TYSND1: variants seen among roughly 807,000 people sequenced by gnomAD.
TYSND1 encodes the protein trypsin like peroxisomal matrix peptidase 1.
In TYSND1, 30 loss-of-function variants were observed where a neutral mutation model predicts 37.2. That is an observed-to-expected ratio of 0.81 (90% CI 0.60 to 1.09). The LOEUF is 1.09. Ranked by LOEUF, TYSND1 falls within the 50% of genes least tolerant of loss-of-function variation. The pLI is 0.00. For missense variants in TYSND1, 806 were observed against 817.4 expected (o/e 0.99, Z 0.17); for synonymous variants, 364 against 383.8 (o/e 0.95, Z 0.60).
chr10:70,138,111 G>A lies in TYSND1; in HGVS notation c.*1813C>T, dbSNP rs941357153. On this transcript the variant is annotated 3_prime_UTR_variant, in exon 4 of 4. Coordinates refer to ENST00000287078, the MANE Select transcript of TYSND1 (RefSeq NM_173555.4). ...CCTCCCTGGGCACGCCACACTCCAG[G>A]AAGTGCCAGGTGTTCAGCTATCCAG... 1 of 151,994 alleles carries A rather than the reference G, an allele frequency of 6.6e-6. No individual in the cohort carries two copies. The highest frequency in any genetic ancestry group is 6.5e-5 in the Admixed American group (1 of 15,276). 9.4% of individuals were successfully genotyped at this position (151,994 alleles called of 1,614,324 possible).
Position 70,146,602 on chromosome 10 carries a change from C to T in TYSND1, c.-16G>A, listed in dbSNP as rs1839241537. Reference sequence around the variant, plus strand: ...GCCTTCTCATGGCCTCTAGGCCGGACACTCGGGAGCTTCTCCGAGAAACAG... The same window carrying T: ...GCCTTCTCATGGCCTCTAGGCCGGATACTCGGGAGCTTCTCCGAGAAACAG... On this transcript the variant is annotated 5_prime_UTR_variant, in exon 1 of 4. Transcript: ENST00000287078. 2 of 1,492,926 alleles carry T rather than the reference C, an allele frequency of 1.3e-6. No homozygotes were observed. Among genetic ancestry groups the T allele is most frequent in the African/African-American group, 2.9e-5 (2 of 69,308 alleles). The allele number at this position is 1,492,926 out of a possible 1,614,324, so 92.5% of individuals were successfully genotyped here. A position where few individuals can be genotyped will look rare whatever the true frequency, so the allele number is the denominator to read the frequency against.
chr10:70,144,001 T>A, intron 1 of TYSND1, 29 bp from the exon 2 acceptor site: 1 of 1,613,606 alleles, frequency 6.2e-7, no homozygotes, highest in Non-Finnish European at 8.5e-7. Flanking sequence ...AATGACAGGC[T>A]AGCTTTCTGA....
chr10:70,140,524 A>AATGAATGAATGT (rs2072751065), intron 3 of TYSND1, among the ~76,000 whole-genome samples: 1 of 149,148 alleles, frequency 6.7e-6, no homozygotes, highest in Non-Finnish European at 1.5e-5. Context: ...TGAATGAATG[A>AATGAATGAATGT]ATGAATGAAT....
At chr10:70,142,587 G>A in intron 3 of TYSND1, 81 bp downstream of exon 3, 1 of 1,344,582 alleles carries the variant, frequency 7.4e-7, no homozygotes, top group Non-Finnish European at 1.0e-6. Flanking sequence ...AGGGTGCACT[G>A]GGGCTGGCCA....
chr10:70,146,552 G>A lies in TYSND1; in HGVS notation c.35C>T (p.Ala12Val). ...RRQWGSAMRA[A>V]EQAGCMVSAS... The stretch of plus-strand genomic sequence containing the variant: ...GCTCACCATGCAGCCCGCCTGCTCG[G>A]CCGCCCTCATGGCAGACCCCCACTG... The change falls in exon 1 of 4, where the codon GCC (alanine) becomes GTC (valine). Residue 12 changes from alanine (A) to valine (V), a missense_variant. By Grantham distance (64) the Ala-to-Val change is moderately conservative (BLOSUM62 0). Around this residue, in one of 3 missense-constraint regions of TYSND1, gnomAD observed 84 missense variants for 79.0 expected, o/e 1.06. Transcript: ENST00000287078. 1 of 1,578,678 alleles carries A rather than the reference G, an allele frequency of 6.3e-7. No individual in the cohort carries two copies. Among genetic ancestry groups the A allele is most frequent in the South Asian group, 1.1e-5 (1 of 87,864 alleles).
rs1380034905 is a variant in TYSND1 at position 70,146,053 on chromosome 10, T to C, written c.534A>G (p.Gln178=). ...GCGCAAACCAGCCCAGCGCTCTCAG[T>C]TGATCCGCCTCCTCGTCCTCCGACA... The part of the protein sequence containing the change: ...DEVSEDEEAD[Q]LRALGWFALL... Residue 178 remains glutamine (Q), a synonymous_variant, in exon 1 of 4, where the codon CAA becomes CAG. Transcript: ENST00000287078. 4 of 1,595,918 alleles carry C rather than the reference T, an allele frequency of 2.5e-6. No homozygotes were observed. Among genetic ancestry groups the C allele is most frequent in the Non-Finnish European group, 3.4e-6 (4 of 1,169,758 alleles).
At chr10:70,145,045 G>C (rs568856011) in intron 1 of TYSND1, among the ~76,000 whole-genome samples, 1 of 152,320 alleles carries the variant, frequency 6.6e-6, no homozygotes, top group Non-Finnish European at 1.5e-5. Context: ...TTTCAGAGGA[G>C]AAGCAGCAGG....
intron 1 of TYSND1, chr10:70,144,684 G>T (rs1344415994): frequency 1.0e-6 from 1 of 985,820 alleles, no homozygotes; most frequent in Admixed American, 6.1e-5. Context: ...GGGAGTGGAA[G>T]GAATCTGGTG....
chr10:70,144,025 G>C lies in TYSND1; in HGVS notation c.1167-53C>G, dbSNP rs577691318. 1.3e-5 allele frequency: 21 copies of C among 1,609,244 alleles called. No homozygotes were observed. In the African/African-American group the frequency reaches 2.4e-4, roughly 18 times the overall value. Reference sequence around the variant, plus strand: ...CTAGCTTTCTGACTCCTCAGTACTTGGGAGAAATCAAGGAGCTGAGAGTGA... The same window carrying C: ...CTAGCTTTCTGACTCCTCAGTACTTCGGAGAAATCAAGGAGCTGAGAGTGA... On this transcript the variant is annotated intron_variant, in intron 1 of 3. Transcript: ENST00000287078.
At chr10:70,140,245 G>A (rs2072745135) in intron 3 of TYSND1, 104 bp from the exon 4 acceptor site, 1 of 919,014 alleles carries the variant, frequency 1.1e-6, no homozygotes, top group South Asian at 1.7e-5. Context: ...GGCCTGGTAG[G>A]GCTGGATACC....
At chr10:70,143,171 T>C (rs561210728) in intron 2 of TYSND1, among the ~76,000 whole-genome samples, 1 of 152,322 alleles carries the variant, frequency 6.6e-6, no homozygotes, top group South Asian at 2.1e-4. Flanking sequence ...CAATAAATGT[T>C]TGTGGAATTC....
Position 70,139,959 on chromosome 10 carries a change from G to T in TYSND1, c.1666C>A (p.Arg556=), listed in dbSNP as rs748231956. ...CTCCGCGGGGCCTCTGCCAGGGGCC[G>T]CTGCAACCGCCACACCACCCTGACT... ...EPVRVVWRLQ[R]PLAEAPRSKL is the part of the protein sequence containing the mutation. The change falls in exon 4 of 4, where the codon CGG becomes AGG. Residue 556 remains arginine (R), a synonymous_variant. Coordinates refer to ENST00000287078, the MANE Select transcript of TYSND1 (RefSeq NM_173555.4). 1 of 1,613,574 alleles carries T rather than the reference G, an allele frequency of 6.2e-7. No homozygotes were observed.
Position 70,146,456 on chromosome 10 carries a change from C to T in TYSND1, c.131G>A (p.Gly44Asp). The T allele has an allele frequency of 1.2e-6, 2 of 1,603,948 alleles. No individual in the cohort carries two copies. The highest frequency in any genetic ancestry group is 1.7e-6 in the Non-Finnish European group (2 of 1,178,752). The change falls in exon 1 of 4, where the codon GGC (glycine) becomes GAC (aspartate). Residue 44 changes from glycine (G) to aspartate (D), a missense_variant. Physicochemically the swap from Gly to Asp is moderately conservative, Grantham distance 94. Coordinates refer to ENST00000287078, the MANE Select transcript of TYSND1 (RefSeq NM_173555.4). ...GATGCCCCCGTGGCAAAGCACCAGG[C>T]CCGGGCTACGGCTCAGGATTACCCC... is the stretch of plus-strand genomic sequence containing the variant. ...CSGVILSRSP[G>D]LVLCHGGIFV...
At position 70,138,737 on chromosome 10, in the gene TYSND1, T is replaced by C. The variant is rs2072709192; in HGVS notation, c.*1187A>G. The stretch of plus-strand genomic sequence containing the variant: ...CAGCTCTGACTGGCACATGACCAGC[T>C]ATGAGGGCCAGTCTGGCAGGACCGT... On this transcript the variant is annotated 3_prime_UTR_variant, in exon 4 of 4. Coordinates refer to ENST00000287078, the MANE Select transcript of TYSND1 (RefSeq NM_173555.4). The C allele has an allele frequency of 6.6e-6, 1 of 152,262 alleles. No homozygotes were observed. Among genetic ancestry groups the C allele is most frequent in the Non-Finnish European group, 1.5e-5 (1 of 68,120 alleles). The allele number at this position is 152,262 out of a possible 1,614,324, so 9.4% of individuals were successfully genotyped here. A position where few individuals can be genotyped will look rare whatever the true frequency, so the allele number is the denominator to read the frequency against.
At position 70,146,303 on chromosome 10, in the gene TYSND1, C is replaced by T. The variant is rs1031168065; in HGVS notation, c.284G>A (p.Gly95Glu). The change falls in exon 1 of 4, where the codon GGG becomes GAG. Residue 95 changes from glycine (G) to glutamate (E), a missense_variant. Physicochemically the swap from Gly to Glu is moderately conservative, Grantham distance 98 (BLOSUM62 -2). Transcript: ENST00000287078. ...TGGGCGGCCCCGCTCCGCGCCGCCC[C>T]CGGGACCCGCGGCCGTTGGGGCCCA... The part of the protein sequence containing the change: ...VQWAPTAAGP[G>E]GGAERGRPGL... 13 of 1,492,800 alleles carry T rather than the reference C, an allele frequency of 8.7e-6. No homozygotes were observed. In the African/African-American group the frequency reaches 1.6e-4, roughly 18 times the overall value. 92.5% of individuals were successfully genotyped at this position (1,492,800 alleles called of 1,614,324 possible). A position where few individuals can be genotyped will look rare whatever the true frequency, so the allele number is the denominator to read the frequency against.
At chr10:70,144,030 A>T in intron 1 of TYSND1, 58 bp from the exon 2 acceptor site, 2 of 1,606,744 alleles carry the variant, frequency 1.2e-6, no homozygotes, top group Non-Finnish European at 1.7e-6. Flanking sequence ...TACTTGGGAG[A>T]AATCAAGGAG....
At position 70,145,718 on chromosome 10, in the gene TYSND1, C is replaced by T; in HGVS notation, c.869G>A (p.Trp290Ter). 7.1e-7 allele frequency: 1 copy of T among 1,414,480 alleles called. No homozygotes were observed. Among genetic ancestry groups the T allele is most frequent in the Non-Finnish European group, 9.1e-7 (1 of 1,094,654 alleles). The allele number at this position is 1,414,480 out of a possible 1,614,324, so 87.6% of individuals were successfully genotyped here. A position where few individuals can be genotyped will look rare whatever the true frequency, so the allele number is the denominator to read the frequency against. The change falls in exon 1 of 4, where the codon TGG becomes TAG. Residue 290 changes from tryptophan to a stop codon, truncating the protein, a stop_gained. Transcript: ENST00000287078. LOFTEE classifies it high-confidence loss of function. ...VAPLCWKAGE[W>*]VGFTLLCAAA... ...GGCGCAGAGCAGCGTGAAGCCCACC[C>T]ATTCGCCGGCCTTCCAACAGAGCGG...
rs767255311 is a variant in TYSND1, at chr10:70,142,661, TG to T, written c.1483+6del. ...GGAGGGCGGGAGGGGGCCAAAGAGCTGGTTACCAAGGAGGTTTCCTGAGTGG... is the reference window on the plus strand; with the variant it reads ...GGAGGGCGGGAGGGGGCCAAAGAGCTGTTACCAAGGAGGTTTCCTGAGTGG... On this transcript the variant is annotated splice_donor_region_variant and intron_variant, in intron 3 of 3. Transcript: ENST00000287078. 9.6e-6 allele frequency: 15 copies of T among 1,559,322 alleles called. No individual in the cohort carries two copies. Among genetic ancestry groups the T allele is most frequent in the Middle Eastern group, 2.1e-4 (1 of 4,700 alleles).
rs1488771486 is a variant in TYSND1, at chr10:70,145,975, G to A, written c.612C>T (p.Ala204=). 1 of 1,567,042 alleles carries A rather than the reference G, an allele frequency of 6.4e-7. No individual in the cohort carries two copies. Among genetic ancestry groups the A allele is most frequent in the Admixed American group, 1.9e-5 (1 of 53,364 alleles). Residue 204 remains alanine, a synonymous_variant, in exon 1 of 4, where the codon GCC becomes GCT. Coordinates refer to ENST00000287078, the MANE Select transcript of TYSND1 (RefSeq NM_173555.4). The part of the protein sequence containing the change: ...QEEVEEERGP[A]MAVSPLGAVP... ...CGGCCCCGAGAGGCGACACCGCCAT[G>A]GCTGGCCCGCGCTCCTCCTCCACCT...
Sources: gnomAD v4.1 joint callset for allele counts (sites outside exome capture counted in the v4.1 genomes callset) on GRCh38, gnomAD v4.1.1 for gene constraint, gnomAD v4.1.1 regional missense constraint, MANE v1.5 for transcripts, NCBI Gene and HGNC (gene_info 2026-07-23, HGNC 2026-07-21) for gene names.